The following ZNF652 variants were observed in gnomAD, a reference collection of about 807,000 sequenced individuals.
ZNF652 encodes zinc finger protein 652.
A neutral mutation model predicts 45.2 loss-of-function variants in ZNF652; 16 were observed. The ratio of observed to expected loss-of-function variants is 0.35; its 90% CI spans 0.24 to 0.54. ZNF652 has a LOEUF of 0.54. Ranked by LOEUF, ZNF652 falls within the 20% of genes least tolerant of loss-of-function variation. ZNF652 has a pLI of 0.91. For synonymous variants in ZNF652, 250 were observed against 260.6 expected (o/e 0.96, Z 0.39); for missense variants, 614 against 765.6 (o/e 0.80, Z 2.34).
At chr17:49,345,840 CA>C (rs11381958) in intron 1 of ZNF652, among the ~76,000 whole-genome samples, 6,266 of 115,602 alleles carry the variant, frequency 0.054, 292 homozygotes, top group African/African-American at 0.14. Flanking sequence ...GACTCCATCT[CA>C]AAAAAAAAAA....
chr17:49,294,834 A>G lies in ZNF652; in HGVS notation c.*3579T>C, dbSNP rs2069450408. On this transcript the variant is annotated 3_prime_UTR_variant, in exon 6 of 6. Transcript: ENST00000430262. The stretch of plus-strand genomic sequence containing the variant: ...CCTTTGTTGTCTTTAACAGACATGT[A>G]CAGATAAGGGCTGAGAACTCAAACT... 1 of 152,232 alleles carries G rather than the reference A, an allele frequency of 6.6e-6. No homozygotes were observed. Among genetic ancestry groups the G allele is most frequent in the African/African-American group, 2.4e-5 (1 of 41,456 alleles). 9.4% of individuals were successfully genotyped at this position (152,232 alleles called of 1,614,324 possible).
Position 49,300,257 on chromosome 17 carries a change from C to T in ZNF652, c.1310-1333G>A, listed in dbSNP as rs139677519. Among the ~76,000 whole-genome samples the T allele has an allele frequency of 7.3e-3, 1,111 of 152,222 alleles. 18 individuals are homozygous for T. The highest frequency in any genetic ancestry group is 0.026 in the African/African-American group (1,072 of 41,526). The stretch of plus-strand genomic sequence containing the variant: ...TTCCTGGTGCCAGCCTACTGAATAC[C>T]CACAAGAGATTTCAACAATAAAAAA... On this transcript the variant is annotated intron_variant, in intron 5 of 5. Coordinates refer to ENST00000430262, the MANE Select transcript of ZNF652 (RefSeq NM_001145365.3).
At chr17:49,330,595 C>T (rs1316042240) in intron 1 of ZNF652, among the ~76,000 whole-genome samples, 1 of 151,806 alleles carries the variant, frequency 6.6e-6, no homozygotes, top group East Asian at 1.9e-4. Context: ...GTGATCCACC[C>T]GCCTCGGCCT....
rs1325006488 is a variant in ZNF652, at chr17:49,297,289, G to T, written c.*1124C>A. 1 of 152,548 alleles carries T rather than the reference G, an allele frequency of 6.6e-6. No individual in the cohort carries two copies. Among genetic ancestry groups the T allele is most frequent in the Non-Finnish European group, 1.5e-5 (1 of 68,036 alleles). The allele number at this position is 152,548 out of a possible 1,614,324, so 9.4% of individuals were successfully genotyped here. On this transcript the variant is annotated 3_prime_UTR_variant, in exon 6 of 6. Coordinates refer to ENST00000430262, the MANE Select transcript of ZNF652 (RefSeq NM_001145365.3). ...GATTTCAATTTGTCATCCCATAAAA[G>T]TTAAACATCAACACAATTCCTAAGG...
At chr17:49,333,729 A>G (rs1471603640) in intron 1 of ZNF652, among the ~76,000 whole-genome samples, 2 of 150,058 alleles carry the variant, frequency 1.3e-5, no homozygotes, top group African/African-American at 4.9e-5. Context: ...CAAGAAAAAA[A>G]AAAAAAAAAA....
At chr17:49,351,048 CACACACAT>C (rs1319278561) in intron 1 of ZNF652, among the ~76,000 whole-genome samples, 15 of 123,408 alleles carry the variant, frequency 1.2e-4, no homozygotes, top group African/African-American at 2.8e-4. Flanking sequence ...CACACACACA[CACACACAT>C]ATTTTTATAT....
chr17:49,354,695 T>C (rs2070317126), intron 1 of ZNF652, among the ~76,000 whole-genome samples: 1 of 152,112 alleles, frequency 6.6e-6, no homozygotes, highest in Non-Finnish European at 1.5e-5. Context: ...AAAACACCAT[T>C]ACTATTCTGA....
rs2069436476 is a variant in ZNF652 at position 49,293,791 on chromosome 17, A to T, written c.*4622T>A. On this transcript the variant is annotated 3_prime_UTR_variant, in exon 6 of 6. Coordinates refer to ENST00000430262, the MANE Select transcript of ZNF652 (RefSeq NM_001145365.3). ...GAATTCCAAATGAGTTGATTTTTTTAAAACAGTAATTAGCTGATACAATTC... is the reference window on the plus strand; with the variant it reads ...GAATTCCAAATGAGTTGATTTTTTTTAAACAGTAATTAGCTGATACAATTC... Among the ~76,000 whole-genome samples, 1 of 152,018 alleles carries T rather than the reference A, an allele frequency of 6.6e-6. No homozygotes were observed. The highest frequency in any genetic ancestry group is 2.4e-5 in the African/African-American group (1 of 41,394).
intron 1 of ZNF652, among the ~76,000 whole-genome samples, chr17:49,326,088 T>G (rs890866327): frequency 5.5e-4 from 84 of 151,698 alleles, no homozygotes; most frequent in Non-Finnish European, 8.8e-5. Flanking sequence ...AAGGAAGAAG[T>G]ATGGGACCAA....
chr17:49,356,258 T>C (rs1225448842), intron 1 of ZNF652, among the ~76,000 whole-genome samples: 2 of 151,134 alleles, frequency 1.3e-5, no homozygotes, highest in Non-Finnish European at 2.9e-5. Context: ...AAATCCTGTC[T>C]CTACTAAAAA....
At chr17:49,307,040 A>G (rs1409801531) in intron 5 of ZNF652, among the ~76,000 whole-genome samples, 5 of 152,150 alleles carry the variant, frequency 3.3e-5, no homozygotes, top group Non-Finnish European at 7.4e-5. Context: ...GGTGTGAGCC[A>G]CTGTGCCTGG....
chr17:49,307,583 A>C (rs982201436), intron 5 of ZNF652, among the ~76,000 whole-genome samples: 1 of 136,026 alleles, frequency 7.4e-6, no homozygotes, highest in African/African-American at 2.8e-5. Context: ...TCTACTAAAA[A>C]TACAAAAAAA....
At chr17:49,327,755 ATATATATATATATATATATATATAT>A (rs1200535401) in intron 1 of ZNF652, among the ~76,000 whole-genome samples, 576 of 11,316 alleles carry the variant, frequency 0.051, 22 homozygotes, top group South Asian at 0.19. Flanking sequence ...ATATATATAT[ATATATATATATATATATATATATAT>A]TTTTTTTTTT....
In ZNF652 at chr17:49,316,994, A is replaced by T. The variant is rs1333804585; in HGVS notation, c.732T>A (p.Thr244=). The stretch of plus-strand genomic sequence containing the variant: ...CCCTGGGGCACTTCTCACAGGTCAG[A>T]GTCTCTTTCTCTTCACACTTAGCTT... ...VQKAKCEEKE[T]LTCEKCPRVF... The change falls in exon 2 of 6, where the codon ACT becomes ACA. Residue 244 remains threonine (T), a synonymous_variant. Transcript: ENST00000430262. 3 of 1,614,000 alleles carry T rather than the reference A, an allele frequency of 1.9e-6. No homozygotes were observed.
chr17:49,335,709 A>G (rs753111709), intron 1 of ZNF652, among the ~76,000 whole-genome samples: 74 of 152,360 alleles, frequency 4.9e-4, no homozygotes, highest in Non-Finnish European at 9.3e-4. Context: ...CTTTGAACAC[A>G]AAAATTAGCT....
At chr17:49,345,211 T>A (rs1261329439) in intron 1 of ZNF652, among the ~76,000 whole-genome samples, 8 of 150,932 alleles carry the variant, frequency 5.3e-5, no homozygotes. Context: ...TTCTTTTTTT[T>A]TTTTTTTTTG....
chr17:49,336,339 T>TC (rs1384783680), intron 1 of ZNF652, among the ~76,000 whole-genome samples: 1 of 149,594 alleles, frequency 6.7e-6, no homozygotes, highest in African/African-American at 2.5e-5. Flanking sequence ...TTTTTTTTTT[T>TC]TGGAGACAGA....
At chr17:49,329,409 C>G (rs2069999598) in intron 1 of ZNF652, among the ~76,000 whole-genome samples, 1 of 152,172 alleles carries the variant, frequency 6.6e-6, no homozygotes, top group Non-Finnish European at 1.5e-5. Flanking sequence ...AAGGTGCTCA[C>G]AATATCGACC....
chr17:49,301,126 T>C (rs774322742), intron 5 of ZNF652, among the ~76,000 whole-genome samples: 2 of 152,138 alleles, frequency 1.3e-5, no homozygotes, highest in African/African-American at 2.4e-5. Context: ...TCTTTACCCA[T>C]AGCATAGTCC....
Sources: allele counts gnomAD v4.1 joint callset (sites outside exome capture counted in the v4.1 genomes callset), GRCh38; gene constraint gnomAD v4.1.1; transcripts MANE v1.5; gene names NCBI Gene and HGNC (gene_info 2026-07-23, HGNC 2026-07-21).